The following LTBP1 variants were observed in gnomAD, a reference collection of about 807,000 sequenced individuals.
The protein encoded by LTBP1 is latent transforming growth factor beta binding protein 1.
In LTBP1, 129 loss-of-function variants were observed where a neutral mutation model predicts 207.6. The ratio of observed to expected loss-of-function variants is 0.62; its 90% confidence interval spans 0.54 to 0.72. The LOEUF is 0.72. LTBP1 is among the 30% of genes least tolerant of loss of function. The probability of loss-of-function intolerance (pLI) is 0.00; values close to 1 mark genes in which losing one functional copy is unlikely to be tolerated. For synonymous variants in LTBP1, 963 were observed against 833.7 expected, an observed-to-expected ratio of 1.16 and a Z score of -2.67; for missense variants, 2,281 against 2,217.2, an observed-to-expected ratio of 1.03 and a Z score of -0.58.
At chr2:33,244,040 G>T (rs2092426802) in intron 10 of LTBP1, among the ~76,000 whole-genome samples, 1 of 152,090 alleles carries the variant, frequency 6.6e-6, no homozygotes, top group South Asian at 2.1e-4. Flanking sequence ...GCACACCGAG[G>T]AAATATGCTT....
In LTBP1 at chr2:33,110,653, A is replaced by G. The variant is rs768856733; in HGVS notation, c.935A>G (p.Lys312Arg). ...GQTQEYVLKPKYFPAQKGISG... is the reference protein window; with the variant it reads ...GQTQEYVLKPRYFPAQKGISG... ...ACCCAGGAATACGTGCTCAAGCCCA[A>G]GTACTTTCCAGCCCAGAAGGGGATT... The change falls in exon 4 of 34, where the codon AAG (lysine) becomes AGG (arginine). Residue 312 changes from lysine to arginine, a missense_variant. Lys to Arg is a conservative substitution (Grantham distance 26, BLOSUM62 2). Coordinates refer to ENST00000404816, the MANE Select transcript of LTBP1 (RefSeq NM_206943.4). The G allele has an allele frequency of 5.6e-6, 9 of 1,614,218 alleles. No homozygotes were observed. The highest frequency in any genetic ancestry group is 1.1e-5 in the South Asian group (1 of 91,086).
In LTBP1 at chr2:32,947,683, C is replaced by A. The variant is rs763724587; in HGVS notation, c.359C>A (p.Pro120His). Residue 120 changes from proline (P) to histidine (H), a missense_variant, in exon 1 of 34, where the codon CCC becomes CAC. Physicochemically the swap from Pro to His is moderately conservative, Grantham distance 77. Coordinates refer to ENST00000404816, the MANE Select transcript of LTBP1 (RefSeq NM_206943.4). ...RPAVPGGQLH[P>H]NPGGHPAAAP... is the part of the protein sequence containing the mutation. The stretch of plus-strand genomic sequence containing the variant: ...GCGGTCCCCGGCGGGCAGCTCCACC[C>A]CAATCCCGGCGGCCACCCGGCAGCC... The A allele has an allele frequency of 6.7e-7, 1 of 1,498,204 alleles. No homozygotes were observed. Among genetic ancestry groups the A allele is most frequent in the Middle Eastern group, 1.8e-4 (1 of 5,518 alleles). The allele number at this position is 1,498,204 out of a possible 1,614,324, so 92.8% of individuals were successfully genotyped here. A position where few individuals can be genotyped will look rare whatever the true frequency, so the allele number is the denominator to read the frequency against.
chr2:33,191,045 G>A (rs75402372), intron 7 of LTBP1, among the ~76,000 whole-genome samples: 3,923 of 152,192 alleles, frequency 0.026, 62 homozygotes, highest in Middle Eastern at 0.044. Context: ...GACAAATTTC[G>A]TGCCATTTGC....
chr2:33,055,459 C>A (rs555298739), intron 3 of LTBP1, among the ~76,000 whole-genome samples: 20 of 152,300 alleles, frequency 1.3e-4, no homozygotes, highest in African/African-American at 4.8e-4. Flanking sequence ...ACTCCAGTCC[C>A]CATGATCTGA....
chr2:33,245,250 G>A (rs573055351), intron 10 of LTBP1, among the ~76,000 whole-genome samples: 1 of 152,216 alleles, frequency 6.6e-6, no homozygotes, highest in Non-Finnish European at 1.5e-5. Flanking sequence ...TTTGAAATTT[G>A]CCATTTGGTT....
chr2:33,319,906 T>C (rs1269370649), intron 24 of LTBP1, among the ~76,000 whole-genome samples: 1 of 152,178 alleles, frequency 6.6e-6, no homozygotes, highest in African/African-American at 2.4e-5. Flanking sequence ...CCCTGAAGTA[T>C]TGTCTTTTAG....
At chr2:33,196,016 G>A (rs1393852444) in intron 7 of LTBP1, among the ~76,000 whole-genome samples, 4 of 152,298 alleles carry the variant, frequency 2.6e-5, no homozygotes, top group African/African-American at 7.2e-5. Flanking sequence ...TTAAAATTAA[G>A]GTATGTACTT....
chr2:33,137,728 G>T (rs1316033159), intron 5 of LTBP1, among the ~76,000 whole-genome samples: 1 of 151,682 alleles, frequency 6.6e-6, no homozygotes, highest in Non-Finnish European at 1.5e-5. Flanking sequence ...GTTTGTTTGA[G>T]GATGTGGAAC....
At chr2:33,034,709 C>T (rs1370553344) in intron 3 of LTBP1, among the ~76,000 whole-genome samples, 1 of 152,034 alleles carries the variant, frequency 6.6e-6, no homozygotes, top group African/African-American at 2.4e-5. Context: ...TAGAGGTGCA[C>T]TGGTTATAGC....
chr2:33,201,022 G>A (rs2089183495), intron 7 of LTBP1, among the ~76,000 whole-genome samples: 1 of 152,224 alleles, frequency 6.6e-6, no homozygotes, highest in African/African-American at 2.4e-5. Flanking sequence ...CTTTTACACT[G>A]TTGGTGGGAC....
chr2:32,948,796 T>G, intron 1 of LTBP1, 79 bp from the exon 2 acceptor site: 2 of 1,371,792 alleles, frequency 1.5e-6, no homozygotes, highest in South Asian at 2.3e-5. Context: ...GGCTGGCCTT[T>G]CTGGAACATG....
At chr2:33,147,914 C>T (rs896196795) in intron 5 of LTBP1, among the ~76,000 whole-genome samples, 1 of 152,178 alleles carries the variant, frequency 6.6e-6, no homozygotes, top group Non-Finnish European at 1.5e-5. Context: ...CTTTTTTGCT[C>T]CAGTGGAACA....
intron 11 of LTBP1, among the ~76,000 whole-genome samples, chr2:33,254,866 T>G (rs1480641034): frequency 2.6e-5 from 3 of 115,778 alleles, no homozygotes; most frequent in South Asian, 6.0e-4. Context: ...TTTTTTTTTT[T>G]TTTTTTTTTT....
At chr2:33,158,206 C>T (rs2084163092) in intron 5 of LTBP1, among the ~76,000 whole-genome samples, 1 of 150,904 alleles carries the variant, frequency 6.6e-6, no homozygotes, top group African/African-American at 2.4e-5. Context: ...CAGAGTATTC[C>T]TCAGTCATTT....
intron 20 of LTBP1, among the ~76,000 whole-genome samples, chr2:33,295,457 G>A (rs890281421): frequency 6.6e-6 from 1 of 152,106 alleles, no homozygotes; most frequent in Non-Finnish European, 1.5e-5. Flanking sequence ...AACCCGAGAA[G>A]CAGAGGTTGC....
chr2:33,004,786 A>AATATATATATATAGATATATATATAT (rs1686544696), intron 2 of LTBP1, among the ~76,000 whole-genome samples: 1 of 101,130 alleles, frequency 9.9e-6, no homozygotes, highest in Non-Finnish European at 1.9e-5. Context: ...AAAAAAAAGG[A>AATATATATATATAGATATATATATAT]ATATATATAT....
chr2:33,254,558 T>TTG lies in LTBP1; in HGVS notation c.2167+1715_2167+1716insGT, dbSNP rs891603622. 3.4e-5 allele frequency among the ~76,000 whole-genome samples: 5 copies of TTG among 148,718 alleles called. No individual in the cohort carries two copies. In the South Asian group the frequency reaches 6.3e-4, roughly 19 times the overall value. Reference sequence around the variant, plus strand: ...TAATTCTTTAAACTTGGTTTTTTTTTTTTTTTTTTTAGGGAGTTTGTTGTT... The same window carrying TTG: ...TAATTCTTTAAACTTGGTTTTTTTTTTGTTTTTTTTTTAGGGAGTTTGTTGTT... On this transcript the variant is annotated intron_variant, in intron 11 of 33. Transcript: ENST00000404816.
At chr2:33,307,083 C>A (rs1214155266) in intron 22 of LTBP1, among the ~76,000 whole-genome samples, 2 of 151,600 alleles carry the variant, frequency 1.3e-5, no homozygotes, top group Non-Finnish European at 3.0e-5. Context: ...GAGACTCCAT[C>A]TCAAAAACAA....
chr2:33,349,657 T>C (rs1559050968), intron 26 of LTBP1, among the ~76,000 whole-genome samples: 1 of 152,234 alleles, frequency 6.6e-6, no homozygotes, highest in African/African-American at 2.4e-5. Flanking sequence ...TTTACAGTTT[T>C]TCTCAATTTT....
Sources: allele counts gnomAD v4.1 joint callset (sites outside exome capture counted in the v4.1 genomes callset), GRCh38; gene constraint gnomAD v4.1.1; transcripts MANE v1.5; gene names NCBI Gene and HGNC (gene_info 2026-07-23, HGNC 2026-07-21).